Variants in DTX1 observed in about 807,000 individuals in gnomAD.
DTX1 encodes the protein E3 ubiquitin-protein ligase DTX1.
DTX1 carries 26 observed loss-of-function variants against 57.8 expected under a neutral mutation model. The ratio of observed to expected loss-of-function variants is 0.45; its 90% confidence interval spans 0.33 to 0.62. The LOEUF is 0.62. Among genes scored for constraint, DTX1 ranks in the 20% least tolerant of loss-of-function variants. The probability of loss-of-function intolerance (pLI) is 0.02; values close to 1 mark genes in which losing one functional copy is unlikely to be tolerated. For missense variants in DTX1, 704 were observed against 895.3 expected, an observed-to-expected ratio of 0.79 and a Z score of 2.73; for synonymous variants, 398 against 394.1, an observed-to-expected ratio of 1.01 and a Z score of -0.12.
In DTX1 at chr12:113,093,649, C is replaced by T. The variant is rs757929003; in HGVS notation, c.1114C>T (p.Pro372Ser). The T allele has an allele frequency of 2.5e-6, 4 of 1,613,730 alleles. No individual in the cohort carries two copies. The highest frequency in any genetic ancestry group is 3.3e-4 in the Middle Eastern group (2 of 6,062). Reference sequence around the variant, plus strand: ...GAGCAAGAGCGACGTGAAGCCCGTGCCTGGCGTGCCCGGGGTGTGCCGCAA... The same window carrying T: ...GAGCAAGAGCGACGTGAAGCCCGTGTCTGGCGTGCCCGGGGTGTGCCGCAA... ...PVSKSDVKPV[P>S]GVPGVCRKTK... The change falls in exon 5 of 10, where the codon CCT (proline) becomes TCT (serine). Residue 372 changes from proline (P) to serine (S), a missense_variant. By Grantham distance (74) the Pro-to-Ser change is moderately conservative (BLOSUM62 -1). Around this residue, in one of 3 missense-constraint regions of DTX1, gnomAD observed 299 missense variants for 311.2 expected, o/e 0.96. Coordinates refer to ENST00000548759, the MANE Select transcript of DTX1 (RefSeq NM_004416.3). The surrounding 1 kb of genome is among the most constrained non-coding windows in gnomAD (Gnocchi z 4.2).
chr12:113,097,401 G>A lies in DTX1; in HGVS notation c.*462G>A, dbSNP rs1398220497. 1 of 153,998 alleles carries A rather than the reference G, an allele frequency of 6.5e-6. No individual in the cohort carries two copies. The highest frequency in any genetic ancestry group is 1.4e-5 in the Non-Finnish European group (1 of 69,398). 9.5% of individuals were successfully genotyped at this position (153,998 alleles called of 1,614,324 possible). A position where few individuals can be genotyped will look rare whatever the true frequency, so the allele number is the denominator to read the frequency against. On this transcript the variant is annotated 3_prime_UTR_variant, in exon 10 of 10. Transcript: ENST00000548759. ...GCCCTTAGGGGCCTGCCAGGGCTCG[G>A]GGGGCAAAGAGGGACTCGGGAAACT...
intron 9 of DTX1, 137 bp downstream of exon 9, chr12:113,095,551 G>A (rs1030798157): frequency 1.0e-5 from 11 of 1,063,178 alleles, no homozygotes; most frequent in Admixed American, 7.0e-5. Context: ...GAACAGTAAC[G>A]ACCACAGCCA....
At chr12:113,079,515 CTTTTTTTTTTTTTTTTT>C (rs3038193) in intron 3 of DTX1, among the ~76,000 whole-genome samples, 4 of 77,174 alleles carry the variant, frequency 5.2e-5, no homozygotes, top group Non-Finnish European at 9.3e-5. Context: ...GGCCACTTCT[CTTTTTTTTTTTTTTTTT>C]TTTTTTTTTT....
chr12:113,062,902 T>G (rs925509551), intron 2 of DTX1, among the ~76,000 whole-genome samples: 7 of 152,100 alleles, frequency 4.6e-5, no homozygotes, highest in Admixed American at 1.3e-4. Flanking sequence ...TTTGAAGCCC[T>G]CCAGGTCCAG....
Position 113,096,868 on chromosome 12 carries a change from G to A in DTX1, c.1792G>A (p.Ala598Thr), listed in dbSNP as rs759015998. ...CCTCACGGGCCACGGCTACCCGGAC[G>A]CTAGCTACCTAGACAACGTGCTGGC... ...SNLTGHGYPD[A>T]SYLDNVLAEL... Residue 598 changes from alanine (A) to threonine (T), a missense_variant, in exon 10 of 10, where the codon GCT becomes ACT. Ala to Thr is a moderately conservative substitution (Grantham distance 58). This residue lies in a region of DTX1 where 168 missense variants were observed against 255.6 expected (regional missense o/e 0.66). Coordinates refer to ENST00000548759, the MANE Select transcript of DTX1 (RefSeq NM_004416.3). The A allele has an allele frequency of 2.4e-5, 38 of 1,613,598 alleles. No homozygotes were observed. The highest frequency in any genetic ancestry group is 7.7e-5 in the South Asian group (7 of 91,084).
chr12:113,075,056 T>G (rs1423393097), intron 2 of DTX1, among the ~76,000 whole-genome samples: 3 of 152,184 alleles, frequency 2.0e-5, no homozygotes, highest in Admixed American at 1.3e-4. Flanking sequence ...ATGGCAGATT[T>G]TGGAATCATC....
chr12:113,076,128 C>G (rs2044769830), intron 2 of DTX1, among the ~76,000 whole-genome samples: 2 of 151,882 alleles, frequency 1.3e-5, no homozygotes, highest in African/African-American at 2.4e-5. Context: ...CGGGAGTGGG[C>G]TGAAGATGGA....
In DTX1 at chr12:113,097,114, G is replaced by T; in HGVS notation, c.*175G>T. The T allele has an allele frequency of 1.4e-6, 1 of 694,970 alleles. No individual in the cohort carries two copies. The highest frequency in any genetic ancestry group is 2.3e-6 in the Non-Finnish European group (1 of 425,974). 43.1% of individuals were successfully genotyped at this position (694,970 alleles called of 1,614,324 possible). ...TGGGATGAAGAGAGATGGCATGTCA[G>T]GCTGGCCCCGAATCATAGCTCCCTG... On this transcript the variant is annotated 3_prime_UTR_variant, in exon 10 of 10. Coordinates refer to ENST00000548759, the MANE Select transcript of DTX1 (RefSeq NM_004416.3).
intron 2 of DTX1, among the ~76,000 whole-genome samples, chr12:113,063,266 CG>C (rs1236285529): frequency 6.6e-6 from 1 of 152,144 alleles, no homozygotes. Context: ...CACTGGCAGT[CG>C]GGGAAAGGTT....
Position 113,093,811 on chromosome 12 carries a change from T to C in DTX1, c.1165+111T>C, listed in dbSNP as rs1950264960. ...CTTAGCATTTACTACCTCACCTCCA[T>C]TGCCTGATCTCAGCTCCCCTTGCCC... On this transcript the variant is annotated intron_variant, in intron 5 of 9. Transcript: ENST00000548759. The surrounding 1 kb of genome is among the most constrained non-coding windows in gnomAD (Gnocchi z 4.2). 6.7e-7 allele frequency: 1 copy of C among 1,497,494 alleles called. No individual in the cohort carries two copies. Among genetic ancestry groups the C allele is most frequent in the Non-Finnish European group, 9.0e-7 (1 of 1,105,728 alleles). 92.8% of individuals were successfully genotyped at this position (1,497,494 alleles called of 1,614,324 possible). A position where few individuals can be genotyped will look rare whatever the true frequency, so the allele number is the denominator to read the frequency against.
chr12:113,076,192 C>T (rs908651533), intron 2 of DTX1, among the ~76,000 whole-genome samples: 1 of 152,140 alleles, frequency 6.6e-6, no homozygotes, highest in African/African-American at 2.4e-5. Context: ...GGGGCGGTGG[C>T]TCACACCTGT....
intron 2 of DTX1, among the ~76,000 whole-genome samples, chr12:113,061,497 C>T (rs762648652): frequency 3.9e-5 from 6 of 152,192 alleles, no homozygotes; most frequent in Non-Finnish European, 5.9e-5. Context: ...TGAGTGCCAA[C>T]GGTGTGACCT....
chr12:113,060,045 C>T lies in DTX1; in HGVS notation c.259+1594C>T, dbSNP rs914734744. Among the ~76,000 whole-genome samples the T allele has an allele frequency of 2.0e-5, 3 of 152,050 alleles. 1 individual carries two copies. In the South Asian group the frequency reaches 6.2e-4, roughly 32 times the overall value. ...AAGTTTCTGCAATGATTGAACTTTC[C>T]AATAGTCCGGAACATTGCTAGGTAC... On this transcript the variant is annotated intron_variant, in intron 2 of 9. Coordinates refer to ENST00000548759, the MANE Select transcript of DTX1 (RefSeq NM_004416.3).
chr12:113,073,963 G>T (rs998215797), intron 2 of DTX1, among the ~76,000 whole-genome samples: 15 of 152,338 alleles, frequency 9.8e-5, no homozygotes, highest in Middle Eastern at 3.4e-3. Flanking sequence ...TGGCGCAGTG[G>T]CTCACACCTG....
chr12:113,067,509 T>A (rs1456392100), intron 2 of DTX1, among the ~76,000 whole-genome samples: 1 of 152,224 alleles, frequency 6.6e-6, no homozygotes, highest in African/African-American at 2.4e-5. Flanking sequence ...TTACAGGGCC[T>A]GGGCAACTAA....
intron 2 of DTX1, among the ~76,000 whole-genome samples, chr12:113,072,926 C>T (rs187881214): frequency 1.3e-5 from 2 of 151,952 alleles, no homozygotes; most frequent in Admixed American, 1.3e-4. Flanking sequence ...AGGCTGGTCC[C>T]GAATTCCTGA....
intron 2 of DTX1, among the ~76,000 whole-genome samples, chr12:113,070,081 C>A (rs1325803605): frequency 1.3e-5 from 2 of 152,128 alleles, no homozygotes; most frequent in Non-Finnish European, 2.9e-5. Context: ...TCACAGATGG[C>A]ATCCGGTGTG....
intron 6 of DTX1, 47 bp downstream of exon 6, chr12:113,094,146 G>T (rs1950268521): frequency 6.6e-7 from 1 of 1,512,864 alleles, no homozygotes; most frequent in East Asian, 2.4e-5. Flanking sequence ...GCATGGAGGG[G>T]GCAGGAACCC....
rs767833903 is a variant in DTX1 at position 113,077,470 on chromosome 12, G to A, written c.306G>A (p.Ala102=). ...VRRNFYDPSS[A]PGKGIVWEWE... is the part of the protein sequence containing the mutation. ...GCAACTTCTACGACCCGTCGTCGGC[G>A]CCGGGCAAGGGCATCGTGTGGGAGT... Residue 102 remains alanine, a synonymous_variant, in exon 3 of 10, where the codon GCG becomes GCA. Transcript: ENST00000548759. This position sits in a 1 kb window ranked among gnomAD's most constrained non-coding sequence, Gnocchi z 7.8. 1 of 1,612,284 alleles carries A rather than the reference G, an allele frequency of 6.2e-7. No individual in the cohort carries two copies. Among genetic ancestry groups the A allele is most frequent in the Non-Finnish European group, 8.5e-7 (1 of 1,179,816 alleles).
Sources: gnomAD v4.1 joint callset for allele counts (sites outside exome capture counted in the v4.1 genomes callset) on GRCh38, gnomAD v4.1.1 for gene constraint, gnomAD v4.1.1 regional missense constraint, Gnocchi (gnomAD v3.1) non-coding constraint, MANE v1.5 for transcripts, NCBI Gene and HGNC (gene_info 2026-07-23, HGNC 2026-07-21) for gene names.